INTS14: variants seen among roughly 807,000 people sequenced by gnomAD.
The protein encoded by INTS14 is UPF0464 protein C15orf44.
INTS14 carries 27 observed loss-of-function variants against 56.9 expected under a neutral mutation model. The ratio of observed to expected loss-of-function variants is 0.47; its 90% confidence interval spans 0.35 to 0.65. The LOEUF is 0.65. Among genes scored for constraint, INTS14 ranks in the 30% least tolerant of loss-of-function variants. The pLI is 0.00. For missense variants in INTS14, 517 were observed against 632.2 expected (o/e 0.82, Z 1.95); for synonymous variants, 207 against 236.2 (o/e 0.88, Z 1.13).
intron 1 of INTS14, among the ~76,000 whole-genome samples, chr15:65,609,575 A>G (rs2073791904): frequency 6.6e-6 from 1 of 152,182 alleles, no homozygotes; most frequent in Non-Finnish European, 1.5e-5. Flanking sequence ...CAACTGATGA[A>G]CTACCCCTAA....
intron 9 of INTS14, among the ~76,000 whole-genome samples, chr15:65,589,236 C>T (rs1050900442): frequency 2.0e-5 from 3 of 152,240 alleles, no homozygotes; most frequent in Admixed American, 1.3e-4. Context: ...GGGCTCACTG[C>T]AGCCTCTGCT....
At chr15:65,597,773 A>G (rs1376256147) in intron 6 of INTS14, among the ~76,000 whole-genome samples, 1 of 152,212 alleles carries the variant, frequency 6.6e-6, no homozygotes, top group African/African-American at 2.4e-5. Context: ...TAAGTTCAGT[A>G]TGTCTATTAA....
chr15:65,611,126 C>T lies in INTS14; in HGVS notation c.-91G>A, dbSNP rs1303757731. ...GTGCCCATCGCCGGACACAGTCCGT[C>T]GGCATAAACTTTCCGTCGGCATAAA... is the stretch of plus-strand genomic sequence containing the variant. On this transcript the variant is annotated 5_prime_UTR_variant, in exon 1 of 12. Transcript: ENST00000313182. 2 of 1,534,900 alleles carry T rather than the reference C, an allele frequency of 1.3e-6. No homozygotes were observed. The highest frequency in any genetic ancestry group is 1.7e-6 in the Non-Finnish European group (2 of 1,146,454).
chr15:65,588,009 C>T (rs556655242), intron 9 of INTS14, among the ~76,000 whole-genome samples: 6 of 152,014 alleles, frequency 3.9e-5, no homozygotes, highest in South Asian at 2.1e-4. Context: ...GACGGGAGGC[C>T]GGGCACAGTG....
chr15:65,600,500 G>A (rs117736091), intron 3 of INTS14, among the ~76,000 whole-genome samples: 9,450 of 151,404 alleles, frequency 0.062, 306 homozygotes, highest in African/African-American at 0.09. Context: ...ATGGTGGTGC[G>A]TGCCTGCAGG....
At chr15:65,593,254 G>A (rs996633040) in intron 8 of INTS14, among the ~76,000 whole-genome samples, 174 bp downstream of exon 8, 4 of 150,190 alleles carry the variant, frequency 2.7e-5, no homozygotes, top group African/African-American at 7.5e-5. Context: ...GCAAGACCTC[G>A]TCTCAAAAAA....
At chr15:65,595,085 C>A (rs1440251882) in intron 7 of INTS14, among the ~76,000 whole-genome samples, 1 of 152,206 alleles carries the variant, frequency 6.6e-6, no homozygotes, top group African/African-American at 2.4e-5. Flanking sequence ...AAGGGTAGAA[C>A]TAGGATTTGA....
rs751633940 is a variant in INTS14 at position 65,579,463 on chromosome 15, T to C, written c.1502A>G (p.Gln501Arg). The part of the protein sequence containing the change: ...TGTSEYAAYD[Q>R]NITPLHTDFS... ...GTCCGTGTGCAAAGGTGTGATGTTC[T>C]GGTCATAAGCGGCATACTCAGAGGT... Residue 501 changes from glutamine (Q) to arginine (R), a missense_variant, in exon 12 of 12, where the codon CAG (glutamine) becomes CGG (arginine). Coordinates refer to ENST00000313182, the MANE Select transcript of INTS14 (RefSeq NM_001394796.1). 3.1e-6 allele frequency: 5 copies of C among 1,614,254 alleles called. No homozygotes were observed. Among genetic ancestry groups the C allele is most frequent in the Admixed American group, 1.7e-5 (1 of 60,028 alleles).
In INTS14 at chr15:65,593,504, C is replaced by T. The variant is rs1170509130; in HGVS notation, c.910G>A (p.Gly304Ser). The stretch of plus-strand genomic sequence containing the variant: ...AGGACACAAAAGTTGGGTATTTTGC[C>T]TGCAATCTGATTGGCTGAATTTTCA... ...EDENSANQIA[G>S]KIPNFCVLLH... The change falls in exon 8 of 12, where the codon GGC becomes AGC. Residue 304 changes from glycine (G) to serine (S), a missense_variant. Physicochemically the swap from Gly to Ser is moderately conservative, Grantham distance 56. Transcript: ENST00000313182. The T allele has an allele frequency of 4.3e-6, 7 of 1,613,704 alleles. No homozygotes were observed. Among genetic ancestry groups the T allele is most frequent in the Admixed American group, 1.7e-5 (1 of 59,960 alleles).
In INTS14 at chr15:65,578,815, AAAAC is replaced by A. The variant is rs2072457655; in HGVS notation, c.*589_*592del. ...TCAAATATTTTATTTTCATTAAAAA[AAAAC>A]CTTGAATAATAGGAATCATTTTACA... On this transcript the variant is annotated 3_prime_UTR_variant, in exon 12 of 12. Coordinates refer to ENST00000313182, the MANE Select transcript of INTS14 (RefSeq NM_001394796.1). The A allele has an allele frequency of 6.6e-6, 1 of 152,278 alleles. No individual in the cohort carries two copies. The highest frequency in any genetic ancestry group is 2.1e-4 in the South Asian group (1 of 4,826). The allele number at this position is 152,278 out of a possible 1,614,324, so 9.4% of individuals were successfully genotyped here. A position where few individuals can be genotyped will look rare whatever the true frequency, so the allele number is the denominator to read the frequency against.
At chr15:65,581,117 C>T (rs1442644072) in intron 11 of INTS14, among the ~76,000 whole-genome samples, 1 of 152,048 alleles carries the variant, frequency 6.6e-6, no homozygotes, top group Non-Finnish European at 1.5e-5. Context: ...CGGTGGCTCA[C>T]GCCTGTAATC....
rs1268366953 is a variant in INTS14, at chr15:65,581,409, G to A, written c.1305+545C>T. Among the ~76,000 whole-genome samples, 3 of 98,498 alleles carry A rather than the reference G, an allele frequency of 3.0e-5. 1 individual carries two copies. Among genetic ancestry groups the A allele is most frequent in the African/African-American group, 1.4e-4 (3 of 21,000 alleles). The allele number at this position is 98,498 out of a possible 152,430, so 64.6% of individuals were successfully genotyped here. On this transcript the variant is annotated intron_variant, in intron 11 of 11. Coordinates refer to ENST00000313182, the MANE Select transcript of INTS14 (RefSeq NM_001394796.1). ...ACAAAAAAACAAAAATTAGCTGGGC[G>A]TGGTGGCACGTGCCTGTAGTACTAG...
At chr15:65,603,798 T>C (rs1480586324) in intron 3 of INTS14, among the ~76,000 whole-genome samples, 1 of 152,176 alleles carries the variant, frequency 6.6e-6, no homozygotes, top group Non-Finnish European at 1.5e-5. Flanking sequence ...GCCCTACCCA[T>C]TCATTTACTT....
chr15:65,602,481 C>T (rs1043205565), intron 3 of INTS14, among the ~76,000 whole-genome samples: 1 of 151,988 alleles, frequency 6.6e-6, no homozygotes, highest in African/African-American at 2.4e-5. Flanking sequence ...GACAGGGTTT[C>T]ACCATGTTGG....
At position 65,607,273 on chromosome 15, in the gene INTS14, C is replaced by A. The variant is rs757243119; in HGVS notation, c.108G>T (p.Thr36=). Residue 36 remains threonine, a synonymous_variant, in exon 2 of 12, where the codon ACG becomes ACT. Coordinates refer to ENST00000313182, the MANE Select transcript of INTS14 (RefSeq NM_001394796.1). ...QRKHLAAHGL[T]MLFEHMATNY... ...TTGTGGCCATGTGCTCAAACAGCAT[C>A]GTTAAACCATGGGCTGCTAGGTGCT... is the stretch of plus-strand genomic sequence containing the variant. The A allele has an allele frequency of 6.2e-7, 1 of 1,614,174 alleles. No homozygotes were observed. The highest frequency in any genetic ancestry group is 8.5e-7 in the Non-Finnish European group (1 of 1,180,026).
chr15:65,607,491 T>C (rs1596271293), intron 1 of INTS14, 49 bp from the exon 2 acceptor site: 3 of 1,512,446 alleles, frequency 2.0e-6, no homozygotes, highest in Non-Finnish European at 1.8e-6. Context: ...AAAATAATAT[T>C]TTTCACCATA....
intron 8 of INTS14, 54 bp from the exon 9 acceptor site, chr15:65,591,785 G>A: frequency 1.3e-6 from 2 of 1,590,472 alleles, no homozygotes; most frequent in East Asian, 2.2e-5. Context: ...AGACTGTCAA[G>A]TTAAATAAGT....
intron 11 of INTS14, 122 bp downstream of exon 11, chr15:65,581,832 A>T: frequency 1.0e-6 from 1 of 975,396 alleles, no homozygotes; most frequent in Non-Finnish European, 1.5e-6. Flanking sequence ...TACTGAGTTT[A>T]TTTGAAAAAA....
At chr15:65,605,382 T>A (rs2073607991) in intron 2 of INTS14, 146 bp from the exon 3 acceptor site, 4 of 619,970 alleles carry the variant, frequency 6.5e-6, no homozygotes, top group Non-Finnish European at 1.1e-5. Context: ...TAAAGAAAAA[T>A]GCTAGAACAG....
Sources: allele counts gnomAD v4.1 joint callset (sites outside exome capture counted in the v4.1 genomes callset), GRCh38; gene constraint gnomAD v4.1.1; transcripts MANE v1.5; gene names NCBI Gene and HGNC (gene_info 2026-07-23, HGNC 2026-07-21).